GTF2I: variants seen among roughly 807,000 people sequenced by gnomAD.
GTF2I encodes the protein general transcription factor II-I.
A neutral mutation model predicts 67.6 loss-of-function variants in GTF2I; 12 were observed. The observed-to-expected ratio is 0.18, with a 90% CI of 0.11 to 0.29. The LOEUF (loss-of-function observed/expected upper bound fraction) is 0.29. Among genes scored for constraint, GTF2I ranks in the 10% least tolerant of loss-of-function variants. The pLI is 1.00. For synonymous variants in GTF2I, 149 were observed against 197.0 expected, an observed-to-expected ratio of 0.76 and a Z score of 2.04; for missense variants, 271 against 580.1, an observed-to-expected ratio of 0.47 and a Z score of 5.47.
chr7:74,689,746 G>A (rs587697120), intron 2 of GTF2I, among the ~76,000 whole-genome samples: 61 of 150,322 alleles, frequency 4.1e-4, no homozygotes, highest in African/African-American at 1.2e-3. Flanking sequence ...ACAGAGTTTC[G>A]CTCTTGTTGC....
chr7:74,705,376 C>T (rs1291183293), intron 7 of GTF2I, among the ~76,000 whole-genome samples, 158 bp downstream of exon 7: 1 of 152,096 alleles, frequency 6.6e-6, no homozygotes, highest in African/African-American at 2.4e-5. Context: ...AACATGCCCT[C>T]TTTGACTTGG....
At chr7:74,722,722 A>G (rs1197796745) in intron 12 of GTF2I, 1 of 152,242 alleles carries the variant, frequency 6.6e-6, no homozygotes, top group Non-Finnish European at 1.5e-5. Flanking sequence ...AATTTCAAAT[A>G]TAATTGACTC....
intron 1 of GTF2I, among the ~76,000 whole-genome samples, chr7:74,667,464 G>A (rs782270975): frequency 6.6e-5 from 10 of 152,076 alleles, no homozygotes; most frequent in Non-Finnish European, 8.8e-5. Flanking sequence ...TGTTGTTGTC[G>A]TTGTTGTTAA....
intron 3 of GTF2I, among the ~76,000 whole-genome samples, chr7:74,698,341 C>T (rs1194200520): frequency 2.0e-5 from 3 of 151,376 alleles, no homozygotes; most frequent in Non-Finnish European, 4.4e-5. Flanking sequence ...CTGCCAGCCT[C>T]AGCCTCCCAA....
chr7:74,684,975 TTAAC>T (rs1402455803), intron 1 of GTF2I: 5 of 152,362 alleles, frequency 3.3e-5, no homozygotes, highest in East Asian at 1.9e-4. Context: ...TTTCTGGGGT[TTAAC>T]TACTTTCTGG....
intron 12 of GTF2I, among the ~76,000 whole-genome samples, chr7:74,719,384 T>C (rs2131443260): frequency 6.6e-6 from 1 of 152,292 alleles, no homozygotes; most frequent in East Asian, 1.9e-4. Context: ...GACCCGCAAA[T>C]ACTACTTAGA....
chr7:74,701,308 C>A (rs782217738), intron 6 of GTF2I, among the ~76,000 whole-genome samples: 19 of 152,098 alleles, frequency 1.2e-4, no homozygotes, highest in Non-Finnish European at 2.5e-4. Flanking sequence ...CATTGGAATA[C>A]TTTTAAACAT....
intron 3 of GTF2I, 77 bp downstream of exon 3, chr7:74,691,188 TTTTCTTTC>T (rs1170190379): frequency 9.3e-6 from 10 of 1,078,206 alleles, no homozygotes; most frequent in African/African-American, 3.2e-5. Flanking sequence ...AGTTATATTA[TTTTCTTTC>T]TTTCTTTCTT....
chr7:74,670,357 A>G (rs1805343577), intron 1 of GTF2I, among the ~76,000 whole-genome samples: 1 of 152,120 alleles, frequency 6.6e-6, no homozygotes, highest in South Asian at 2.1e-4. Context: ...TCACCTTCCT[A>G]ATAGCTTTGC....
At chr7:74,709,014 T>C (rs1475546386) in intron 8 of GTF2I, among the ~76,000 whole-genome samples, 1 of 152,230 alleles carries the variant, frequency 6.6e-6, no homozygotes, top group Non-Finnish European at 1.5e-5. Flanking sequence ...ACCTGCTCTT[T>C]AAATGCAGTG....
intron 12 of GTF2I, among the ~76,000 whole-genome samples, chr7:74,720,769 G>C (rs1475089419): frequency 7.5e-6 from 1 of 134,182 alleles, no homozygotes; most frequent in East Asian, 2.2e-4. Flanking sequence ...TTGAGACAGA[G>C]TCTGGCTCTG....
intron 3 of GTF2I, among the ~76,000 whole-genome samples, chr7:74,691,933 T>C (rs1450248949): frequency 4.0e-5 from 6 of 151,854 alleles, no homozygotes; most frequent in Non-Finnish European, 7.4e-5. Flanking sequence ...CCCACCACCA[T>C]GCCTGGCTAA....
chr7:74,695,375 A>C (rs1379253838), intron 3 of GTF2I, among the ~76,000 whole-genome samples: 1 of 152,238 alleles, frequency 6.6e-6, no homozygotes, highest in Non-Finnish European at 1.5e-5. Context: ...GAGACCTTTC[A>C]TGAAAGCAAG....
At chr7:74,709,039 T>TG (rs1791163638) in intron 8 of GTF2I, among the ~76,000 whole-genome samples, 1 of 152,256 alleles carries the variant, frequency 6.6e-6, no homozygotes, top group African/African-American at 2.4e-5. Flanking sequence ...CCTATTTGAG[T>TG]AATCTCTAGT....
chr7:74,664,951 T>C (rs1162696463), intron 1 of GTF2I, among the ~76,000 whole-genome samples: 1 of 152,054 alleles, frequency 6.6e-6, no homozygotes, highest in Non-Finnish European at 1.5e-5. Flanking sequence ...TTTTTGTTTT[T>C]TTTTTTTGAG....
At position 74,689,708 on chromosome 7, in the gene GTF2I, C is replaced by CATTCATTA. The variant is rs587753191; in HGVS notation, c.99+488_99+489insAATTCATT. ...GGGTTTAAGCCTTTCACATCACAGTCATTCATTCATTCATTCATTTATTTG... is the reference window on the plus strand; with the variant it reads ...GGGTTTAAGCCTTTCACATCACAGTCATTCATTAATTCATTCATTCATTCATTTATTTG... On this transcript the variant is annotated intron_variant, in intron 2 of 34. Transcript: ENST00000573035. 1.1e-3 allele frequency among the ~76,000 whole-genome samples: 160 copies of CATTCATTA among 151,632 alleles called. 2 individuals carry two copies. The highest frequency in any genetic ancestry group is 3.6e-3 in the African/African-American group (150 of 41,382).
intron 8 of GTF2I, among the ~76,000 whole-genome samples, chr7:74,708,145 C>CA (rs1294284277): frequency 2.0e-5 from 3 of 151,514 alleles, no homozygotes; most frequent in Admixed American, 6.6e-5. Flanking sequence ...ACTAAAAATA[C>CA]AAAAAAAATT....
At chr7:74,685,259 G>A (rs190339751) in intron 1 of GTF2I, among the ~76,000 whole-genome samples, 2 of 152,334 alleles carry the variant, frequency 1.3e-5, no homozygotes, top group East Asian at 3.9e-4. Flanking sequence ...ACTTTGGGAG[G>A]CCAAGATGGG....
intron 1 of GTF2I, among the ~76,000 whole-genome samples, chr7:74,664,503 G>A (rs374348055): frequency 1.4e-3 from 206 of 152,128 alleles, no homozygotes; most frequent in African/African-American, 4.1e-3. Context: ...GCGCGATCTC[G>A]GCTCACTGCA....
Sources: allele counts gnomAD v4.1 joint callset (sites outside exome capture counted in the v4.1 genomes callset), GRCh38; gene constraint gnomAD v4.1.1; transcripts MANE v1.5; gene names NCBI Gene and HGNC (gene_info 2026-07-23, HGNC 2026-07-21).